The following USP37 variants were observed in gnomAD, a reference collection of about 807,000 sequenced individuals.
USP37 encodes ubiquitin carboxyl-terminal hydrolase 37.
In USP37, 27 loss-of-function variants were observed where a neutral mutation model predicts 124.0. The ratio of observed to expected loss-of-function variants is 0.22; its 90% confidence interval spans 0.16 to 0.30. The LOEUF is 0.30. Among genes scored for constraint, USP37 ranks in the 10% least tolerant of loss-of-function variants. The pLI, the probability that USP37 is intolerant of heterozygous loss-of-function variation, is 1.00. For missense variants in USP37, 889 were observed against 1,140.4 expected, an observed-to-expected ratio of 0.78 and a Z score of 3.17; for synonymous variants, 365 against 388.0, an observed-to-expected ratio of 0.94 and a Z score of 0.70.
At position 218,504,628 on chromosome 2, in the gene USP37, T is replaced by C. The variant is rs552822227; in HGVS notation, c.1025+5351A>G. On this transcript the variant is annotated intron_variant, in intron 11 of 25. Coordinates refer to ENST00000258399, the MANE Select transcript of USP37 (RefSeq NM_020935.3). ...TATTTTATTATTTGTAGACAGAGGG[T>C]CTTGCTATGTGGCCCAGGCTGGTCT... 2.0e-5 allele frequency among the ~76,000 whole-genome samples: 3 copies of C among 152,162 alleles called. No homozygotes were observed. In the South Asian group the frequency reaches 6.2e-4, roughly 31 times the overall value.
chr2:218,460,776 A>G (rs1029803119), intron 22 of USP37, among the ~76,000 whole-genome samples: 1 of 151,990 alleles, frequency 6.6e-6, no homozygotes, highest in Non-Finnish European at 1.5e-5. Flanking sequence ...CTCCTTCTCT[A>G]CTAAAAATAC....
chr2:218,509,135 T>C (rs986652503), intron 11 of USP37, among the ~76,000 whole-genome samples: 2 of 152,192 alleles, frequency 1.3e-5, no homozygotes, highest in Non-Finnish European at 2.9e-5. Flanking sequence ...AGAAACCTTA[T>C]GCACACTTAC....
intron 11 of USP37, chr2:218,501,024 T>A (rs1336503806): frequency 6.4e-6 from 1 of 156,774 alleles, no homozygotes; most frequent in Non-Finnish European, 1.5e-5. Context: ...CACAGTCAGA[T>A]CGCCCTCACA....
chr2:218,451,983 A>G lies in USP37; in HGVS notation c.*2947T>C, dbSNP rs1574824244. 2.0e-5 allele frequency: 3 copies of G among 152,596 alleles called. No individual in the cohort carries two copies. The highest frequency in any genetic ancestry group is 4.8e-5 in the African/African-American group (2 of 41,448). The allele number at this position is 152,596 out of a possible 1,614,324, so 9.5% of individuals were successfully genotyped here. A position where few individuals can be genotyped will look rare whatever the true frequency, so the allele number is the denominator to read the frequency against. ...TGCACACACATGTGAATATATCCCTACGAAACAGTCTATCTTCTCATAGGC... is the reference window on the plus strand; with the variant it reads ...TGCACACACATGTGAATATATCCCTGCGAAACAGTCTATCTTCTCATAGGC... On this transcript the variant is annotated 3_prime_UTR_variant, in exon 26 of 26. Transcript: ENST00000258399.
chr2:218,459,986 T>C, intron 22 of USP37, 81 bp from the exon 23 acceptor site: 1 of 1,041,080 alleles, frequency 9.6e-7, no homozygotes, highest in Non-Finnish European at 1.4e-6. Context: ...ATCCCAACAC[T>C]TTGGGAGGCC....
chr2:218,459,037 A>G (rs1433510336), intron 23 of USP37, among the ~76,000 whole-genome samples: 1 of 151,434 alleles, frequency 6.6e-6, no homozygotes, highest in Admixed American at 6.6e-5. Flanking sequence ...GGATAATCAA[A>G]ATTTGAGGAG....
intron 8 of USP37, among the ~76,000 whole-genome samples, chr2:218,541,749 T>C (rs1197267696): frequency 6.6e-6 from 1 of 152,032 alleles, no homozygotes; most frequent in Non-Finnish European, 1.5e-5. Context: ...CATGACAAAA[T>C]GGAATAAACT....
rs761476634 is a variant in USP37 at position 218,560,826 on chromosome 2, G to C, written c.-31C>G. ...CAAATCAAACAAAACTCACCTACAG[G>C]CAGGATACAGTTTGGGGGCCCCTAG... On this transcript the variant is annotated 5_prime_UTR_variant, in exon 3 of 26. Coordinates refer to ENST00000258399, the MANE Select transcript of USP37 (RefSeq NM_020935.3). 2 of 151,946 alleles carry C rather than the reference G, an allele frequency of 1.3e-5. No homozygotes were observed. The highest frequency in any genetic ancestry group is 2.4e-5 in the African/African-American group (1 of 41,224). The allele number at this position is 151,946 out of a possible 1,614,324, so 9.4% of individuals were successfully genotyped here.
At chr2:218,519,104 C>T (rs1690450726) in intron 10 of USP37, among the ~76,000 whole-genome samples, 1 of 152,168 alleles carries the variant, frequency 6.6e-6, no homozygotes, top group Non-Finnish European at 1.5e-5. Context: ...GCAGGTAATG[C>T]CAACTATGTT....
At chr2:218,536,651 T>C (rs933909008) in intron 8 of USP37, among the ~76,000 whole-genome samples, 2 of 152,214 alleles carry the variant, frequency 1.3e-5, no homozygotes, top group African/African-American at 4.8e-5. Context: ...CTTAACTATA[T>C]TGCTTTCCTT....
intron 16 of USP37, among the ~76,000 whole-genome samples, chr2:218,482,838 C>T (rs1691335894): frequency 1.3e-5 from 2 of 152,152 alleles, no homozygotes; most frequent in Non-Finnish European, 2.9e-5. Context: ...TTTAGAAGCA[C>T]TGAATTCTTT....
chr2:218,519,671 C>A (rs1331790679), intron 10 of USP37, among the ~76,000 whole-genome samples: 1 of 151,788 alleles, frequency 6.6e-6, no homozygotes, highest in African/African-American at 2.4e-5. Flanking sequence ...CAGTCTCCCT[C>A]TGTCCCAGGC....
intron 25 of USP37, 73 bp from the exon 26 acceptor site, chr2:218,455,090 G>A: frequency 1.9e-6 from 3 of 1,573,828 alleles, no homozygotes. Flanking sequence ...AGGAGAAAAA[G>A]TAAAATAAAA....
At chr2:218,514,731 T>A (rs994490361) in intron 10 of USP37, among the ~76,000 whole-genome samples, 1 of 152,236 alleles carries the variant, frequency 6.6e-6, no homozygotes, top group African/African-American at 2.4e-5. Flanking sequence ...CACCCAATGA[T>A]ACATTTTGAC....
chr2:218,550,767 T>C (rs1692625899), intron 5 of USP37, among the ~76,000 whole-genome samples: 1 of 152,066 alleles, frequency 6.6e-6, no homozygotes, highest in African/African-American at 2.4e-5. Flanking sequence ...GTAAGGGCCA[T>C]CTATTTTGCT....
chr2:218,497,027 A>G (rs1689120244), intron 13 of USP37, among the ~76,000 whole-genome samples: 1 of 152,084 alleles, frequency 6.6e-6, no homozygotes, highest in African/African-American at 2.4e-5. Flanking sequence ...GAAACACACT[A>G]AAATCATGTC....
chr2:218,457,261 G>A, intron 23 of USP37, 100 bp from the exon 24 acceptor site: 3 of 1,150,270 alleles, frequency 2.6e-6, no homozygotes, highest in Non-Finnish European at 3.8e-6. Context: ...CTAAGCTTTG[G>A]TATGTGGCAT....
rs1244428389 is a variant in USP37 at position 218,453,869 on chromosome 2, A to G, written c.*1061T>C. The G allele has an allele frequency of 2.0e-5, 3 of 152,164 alleles. No individual in the cohort carries two copies. The highest frequency in any genetic ancestry group is 4.8e-5 in the African/African-American group (2 of 41,440). 9.4% of individuals were successfully genotyped at this position (152,164 alleles called of 1,614,324 possible). On this transcript the variant is annotated 3_prime_UTR_variant, in exon 26 of 26. Transcript: ENST00000258399. Reference sequence around the variant, plus strand: ...TCAAGTACTTAATTTCATACTTGCAATAGGGCTTTTAGCTTCAGTGGTCCA... The same window carrying G: ...TCAAGTACTTAATTTCATACTTGCAGTAGGGCTTTTAGCTTCAGTGGTCCA...
intron 23 of USP37, among the ~76,000 whole-genome samples, chr2:218,458,620 A>T (rs921885205): frequency 6.6e-6 from 1 of 152,146 alleles, no homozygotes; most frequent in Non-Finnish European, 1.5e-5. Context: ...AAAATGCTAT[A>T]AGCATACAGT....
Sources: gnomAD v4.1 joint callset for allele counts (sites outside exome capture counted in the v4.1 genomes callset) on GRCh38, gnomAD v4.1.1 for gene constraint, MANE v1.5 for transcripts, NCBI Gene and HGNC (gene_info 2026-07-23, HGNC 2026-07-21) for gene names.